EXOC4: variants seen among roughly 807,000 people sequenced by gnomAD.
The protein encoded by EXOC4 is exocyst complex component 4.
EXOC4 carries 71 observed loss-of-function variants against 107.2 expected under a neutral mutation model. The ratio of observed to expected loss-of-function variants is 0.66; its 90% CI spans 0.55 to 0.81. The LOEUF (loss-of-function observed/expected upper bound fraction) is 0.81, where lower values mean the gene tolerates loss of function less well. Ranked by LOEUF, EXOC4 falls within the 30% of genes least tolerant of loss-of-function variation. The pLI, the probability that EXOC4 is intolerant of heterozygous loss-of-function variation, is 0.00. For synonymous variants in EXOC4, 456 were observed against 441.2 expected, an observed-to-expected ratio of 1.03 and a Z score of -0.42; for missense variants, 1,108 against 1,189.6, an observed-to-expected ratio of 0.93 and a Z score of 1.01.
chr7:133,473,844 G>A (rs1248201318), intron 7 of EXOC4, among the ~76,000 whole-genome samples: 1 of 151,612 alleles, frequency 6.6e-6, no homozygotes, highest in African/African-American at 2.4e-5. Context: ...GGGACTACAG[G>A]CACCAACCAC....
intron 11 of EXOC4, among the ~76,000 whole-genome samples, chr7:133,828,273 T>C (rs188353716): frequency 6.6e-6 from 1 of 152,260 alleles, no homozygotes; most frequent in East Asian, 1.9e-4. Flanking sequence ...TTTCCTTAAA[T>C]GTTAGAGAAG....
intron 10 of EXOC4, among the ~76,000 whole-genome samples, chr7:133,748,598 A>G (rs183812998): frequency 7.6e-4 from 116 of 152,324 alleles, no homozygotes; most frequent in African/African-American, 2.8e-3. Context: ...AGGTTACTCA[A>G]CTGGATAACA....
At chr7:133,589,106 T>C (rs868864177) in intron 9 of EXOC4, among the ~76,000 whole-genome samples, 3 of 152,184 alleles carry the variant, frequency 2.0e-5, no homozygotes, top group Non-Finnish European at 2.9e-5. Context: ...TTATAAGTGA[T>C]GGTATCAGCC....
At chr7:133,865,954 C>A (rs1798630907) in intron 11 of EXOC4, among the ~76,000 whole-genome samples, 2 of 152,116 alleles carry the variant, frequency 1.3e-5, no homozygotes, top group African/African-American at 4.8e-5. Context: ...TTTTGCTATG[C>A]ATATTTTCTT....
At chr7:133,630,242 T>TA (rs755628071) in intron 10 of EXOC4, 101 bp downstream of exon 10, 1 of 854,974 alleles carries the variant, frequency 1.2e-6, no homozygotes, top group Non-Finnish European at 1.9e-6. Flanking sequence ...AAACAAGTCA[T>TA]AAAAGAAATT....
chr7:133,587,355 G>A (rs185481264), intron 9 of EXOC4, among the ~76,000 whole-genome samples: 3 of 152,178 alleles, frequency 2.0e-5, no homozygotes, highest in Admixed American at 6.5e-5. Context: ...CCTCTACCAG[G>A]CATTATTAAT....
At chr7:133,386,623 G>A (rs1489638328) in intron 7 of EXOC4, among the ~76,000 whole-genome samples, 1 of 152,178 alleles carries the variant, frequency 6.6e-6, no homozygotes, top group Non-Finnish European at 1.5e-5. Context: ...ACTGATACGT[G>A]TACCATAACG....
chr7:133,772,043 A>G (rs764639343), intron 10 of EXOC4, among the ~76,000 whole-genome samples: 1 of 152,108 alleles, frequency 6.6e-6, no homozygotes, highest in East Asian at 1.9e-4. Context: ...CATTTCTAAT[A>G]CATTTCTGGG....
chr7:134,040,266 T>A, intron 17 of EXOC4, among the ~76,000 whole-genome samples: 1 of 152,222 alleles, frequency 6.6e-6, no homozygotes, highest in African/African-American at 2.4e-5. Flanking sequence ...TTGGCCCAAA[T>A]TTGTCAGAGT....
At chr7:133,320,464 C>T (rs145642726) in intron 5 of EXOC4, among the ~76,000 whole-genome samples, 232 of 152,146 alleles carry the variant, frequency 1.5e-3, no homozygotes, top group African/African-American at 5.3e-3. Flanking sequence ...CTGACCCACT[C>T]TTCTGTGCCT....
intron 11 of EXOC4, among the ~76,000 whole-genome samples, chr7:133,853,451 G>T: frequency 6.6e-6 from 1 of 150,780 alleles, no homozygotes; most frequent in East Asian, 2.0e-4. Flanking sequence ...GGCTGGTCTT[G>T]AACTTGTAGG....
intron 10 of EXOC4, among the ~76,000 whole-genome samples, chr7:133,752,457 G>A (rs1405655241): frequency 1.3e-5 from 2 of 152,104 alleles, no homozygotes; most frequent in East Asian, 3.9e-4. Context: ...ACCTTTCTGG[G>A]ATGATGTTTT....
chr7:133,403,623 G>A (rs909600417), intron 7 of EXOC4, among the ~76,000 whole-genome samples: 1 of 152,142 alleles, frequency 6.6e-6, no homozygotes, highest in Admixed American at 6.5e-5. Context: ...CCATTCAGGT[G>A]CTCTGCATCA....
chr7:133,857,244 CATATATATATATATAT>C (rs1222894526), intron 11 of EXOC4, among the ~76,000 whole-genome samples: 1 of 6,584 alleles, frequency 1.5e-4, no homozygotes, highest in Non-Finnish European at 2.4e-4. Context: ...CTTAGTGTCA[CATATATATATATATAT>C]ATATATATAT....
chr7:134,031,138 C>G (rs145589262), intron 17 of EXOC4, among the ~76,000 whole-genome samples: 251 of 152,228 alleles, frequency 1.6e-3, no homozygotes, highest in African/African-American at 4.2e-3. Context: ...GGGATAACAG[C>G]TAAAGGATAC....
rs182094244 is a variant in EXOC4 at position 133,613,231 on chromosome 7, G to A, written c.1418-16814G>A. On this transcript the variant is annotated intron_variant, in intron 9 of 17. Transcript: ENST00000253861. Reference sequence around the variant, plus strand: ...TACACAAATGCAGACCATATATGGTGCCATTCACAGTAGAAAGAAATGTAA... The same window carrying A: ...TACACAAATGCAGACCATATATGGTACCATTCACAGTAGAAAGAAATGTAA... Among the ~76,000 whole-genome samples, 75 of 152,216 alleles carry A rather than the reference G, an allele frequency of 4.9e-4. 2 individuals carry two copies. The East Asian group carries it at 9.7e-3, about 20-fold the overall frequency.
At chr7:133,692,890 A>G (rs1794451765) in intron 10 of EXOC4, among the ~76,000 whole-genome samples, 1 of 152,140 alleles carries the variant, frequency 6.6e-6, no homozygotes, top group Admixed American at 6.5e-5. Context: ...GTACTGTGCT[A>G]AGCGCTTCAC....
intron 10 of EXOC4, among the ~76,000 whole-genome samples, chr7:133,761,575 G>A (rs1296845710): frequency 6.6e-6 from 1 of 152,096 alleles, no homozygotes; most frequent in Non-Finnish European, 1.5e-5. Context: ...ACTCAGTGAA[G>A]TTCCCACGGC....
chr7:134,005,579 G>A (rs1225809483), intron 16 of EXOC4, among the ~76,000 whole-genome samples: 2 of 152,100 alleles, frequency 1.3e-5, no homozygotes, highest in Admixed American at 6.5e-5. Context: ...GCCTCCAAGG[G>A]GCAGGCAAGG....
Sources: allele counts gnomAD v4.1 joint callset (sites outside exome capture counted in the v4.1 genomes callset), GRCh38; gene constraint gnomAD v4.1.1; transcripts MANE v1.5; gene names NCBI Gene and HGNC (gene_info 2026-07-23, HGNC 2026-07-21).